PARP14: variants seen among roughly 807,000 people sequenced by gnomAD.
The protein encoded by PARP14 is protein mono-ADP-ribosyltransferase PARP14.
PARP14 carries 59 observed loss-of-function variants against 154.2 expected under a neutral mutation model. The observed-to-expected ratio is 0.38, with a 90% CI of 0.31 to 0.48. The LOEUF is 0.48. PARP14 is among the 20% of genes least tolerant of loss of function. PARP14 has a pLI of 0.98. For missense variants in PARP14, 1,734 were observed against 2,131.6 expected, an observed-to-expected ratio of 0.81 and a Z score of 3.67; for synonymous variants, 720 against 780.5, an observed-to-expected ratio of 0.92 and a Z score of 1.29.
At chr3:122,725,740 AATCTTTT>A (rs1023771033) in intron 15 of PARP14, among the ~76,000 whole-genome samples, 1 of 152,146 alleles carries the variant, frequency 6.6e-6, no homozygotes, top group African/African-American at 2.4e-5. Context: ...CCAGCCTGAC[AATCTTTT>A]ATCTTTTAAC....
chr3:122,703,676 A>G, intron 6 of PARP14, 66 bp from the exon 7 acceptor site: 1 of 936,662 alleles, frequency 1.1e-6, no homozygotes, highest in South Asian at 1.7e-5. Context: ...AGTGCCTCAA[A>G]TATAGTAATC....
At chr3:122,714,006 T>G in intron 11 of PARP14, 72 bp downstream of exon 11, 1 of 1,162,700 alleles carries the variant, frequency 8.6e-7, no homozygotes, top group Non-Finnish European at 1.3e-6. Flanking sequence ...GAGAAAAGTC[T>G]TAGGGTTGGG....
chr3:122,700,628 C>G lies in PARP14; in HGVS notation c.2074C>G (p.Leu692Val). Residue 692 changes from leucine to valine, a missense_variant, in exon 6 of 17, where the codon CTA becomes GTA. Leu to Val is a conservative substitution (Grantham distance 32). Coordinates refer to ENST00000474629, the MANE Select transcript of PARP14 (RefSeq NM_017554.3). ...TGACTATTTAAAGACAGAAAAGAAG[C>G]TATTCTGGCCAAAGATAAAGAAGGT... The part of the protein sequence containing the change: ...VIDYLKTEKK[L>V]FWPKIKKVNV... 6.2e-7 allele frequency: 1 copy of G among 1,603,820 alleles called. No homozygotes were observed. Among genetic ancestry groups the G allele is most frequent in the Non-Finnish European group, 8.5e-7 (1 of 1,174,724 alleles).
At chr3:122,724,751 A>G (rs1316788625) in intron 15 of PARP14, among the ~76,000 whole-genome samples, 2 of 151,886 alleles carry the variant, frequency 1.3e-5, no homozygotes, top group East Asian at 3.9e-4. Context: ...CAGCAGATAA[A>G]CACGTGAATA....
intron 5 of PARP14, among the ~76,000 whole-genome samples, chr3:122,696,741 T>G (rs374609217): frequency 5.3e-5 from 8 of 152,234 alleles, no homozygotes; most frequent in East Asian, 1.9e-4. Flanking sequence ...TAATGTTAAG[T>G]ACTATTTAAT....
Position 122,682,328 on chromosome 3 carries a change from C to A in PARP14, c.187+1258C>A, listed in dbSNP as rs967793969. On this transcript the variant is annotated intron_variant, in intron 1 of 16. Coordinates refer to ENST00000474629, the MANE Select transcript of PARP14 (RefSeq NM_017554.3). ...TTCTTTCTCCTTTAGATTCCATTATCCTTAGAAGTAGGTCTGACCTGCATC... is the reference window on the plus strand; with the variant it reads ...TTCTTTCTCCTTTAGATTCCATTATACTTAGAAGTAGGTCTGACCTGCATC... Among the ~76,000 whole-genome samples the A allele has an allele frequency of 2.0e-5, 3 of 152,072 alleles. No homozygotes were observed. The South Asian group carries it at 6.2e-4, about 32-fold the overall frequency.
intron 4 of PARP14, 92 bp downstream of exon 4, chr3:122,692,635 ACT>A: frequency 9.0e-7 from 1 of 1,114,502 alleles, no homozygotes; most frequent in Non-Finnish European, 1.3e-6. Flanking sequence ...TGAAAGTTTG[ACT>A]CTTTCTAGTA....
At chr3:122,692,195 A>G in intron 3 of PARP14, 106 bp from the exon 4 acceptor site, 1 of 859,544 alleles carries the variant, frequency 1.2e-6, no homozygotes, top group Non-Finnish European at 1.7e-6. Context: ...TGAGTTAGCC[A>G]AGAGATTGGC....
Position 122,700,916 on chromosome 3 carries a change from G to A in PARP14, c.2362G>A (p.Ala788Thr), listed in dbSNP as rs373934042. The A allele has an allele frequency of 4.3e-6, 7 of 1,613,886 alleles. No individual in the cohort carries two copies. Among genetic ancestry groups the A allele is most frequent in the East Asian group, 4.5e-5 (2 of 44,904 alleles). ...NEVMKEGGSP[A>T]GQKCFSRTVL... ...AGTAATGAAGGAGGGAGGCAGCCCC[G>A]CTGGGCAGAAGTGCTTCTCTCGGAC... is the stretch of plus-strand genomic sequence containing the variant. The change falls in exon 6 of 17, where the codon GCT becomes ACT. Residue 788 changes from alanine to threonine, a missense_variant. Physicochemically the swap from Ala to Thr is moderately conservative, Grantham distance 58. Transcript: ENST00000474629.
At chr3:122,697,504 C>G (rs1332585949) in intron 5 of PARP14, among the ~76,000 whole-genome samples, 2 of 152,200 alleles carry the variant, frequency 1.3e-5, no homozygotes, top group Non-Finnish European at 2.9e-5. Flanking sequence ...TCCAAATCTC[C>G]TGTTCACCTA....
chr3:122,692,220 G>A, intron 3 of PARP14, 81 bp from the exon 4 acceptor site: 1 of 1,220,536 alleles, frequency 8.2e-7, no homozygotes, highest in Non-Finnish European at 1.2e-6. Flanking sequence ...AGAGAGGGCA[G>A]TGCCTTGTGA....
chr3:122,728,581 T>C lies in PARP14; in HGVS notation c.5390T>C (p.Ile1797Thr). 3 of 1,610,508 alleles carry C rather than the reference T, an allele frequency of 1.9e-6. No individual in the cohort carries two copies. Among genetic ancestry groups the C allele is most frequent in the Non-Finnish European group, 2.5e-6 (3 of 1,177,030 alleles). ...YDYQAYPEYLITFRK is the reference protein window; with the variant it reads ...YDYQAYPEYLTTFRK ...TACCAAGCATACCCAGAGTACCTTA[T>C]TACGTTTAGAAAATAACACTTTGGT... The change falls in exon 17 of 17, where the codon ATT (isoleucine) becomes ACT (threonine). Residue 1797 changes from isoleucine (I) to threonine (T), a missense_variant. This residue lies in a region of PARP14 where 88 missense variants were observed against 155.6 expected (regional missense o/e 0.57). Transcript: ENST00000474629.
Position 122,720,537 on chromosome 3 carries a change from T to C in PARP14, c.4941+149T>C, listed in dbSNP as rs141701096. 19 of 727,830 alleles carry C rather than the reference T, an allele frequency of 2.6e-5. No homozygotes were observed. In the East Asian group the frequency reaches 4.9e-4, roughly 19 times the overall value. The allele number at this position is 727,830 out of a possible 1,614,324, so 45.1% of individuals were successfully genotyped here. Reference sequence around the variant, plus strand: ...GGTAATTAGTAGTTCTAGATTCTACTCATGTGACCATAATTACTGAGGCAT... The same window carrying C: ...GGTAATTAGTAGTTCTAGATTCTACCCATGTGACCATAATTACTGAGGCAT... On this transcript the variant is annotated intron_variant, in intron 15 of 16. Transcript: ENST00000474629.
rs1477551278 is a variant in PARP14, at chr3:122,700,963, G to A, written c.2409G>A (p.Val803=). 4 of 1,614,064 alleles carry A rather than the reference G, an allele frequency of 2.5e-6. No individual in the cohort carries two copies. The Admixed American group carries it at 6.7e-5, about 27-fold the overall frequency. ...FSRTVLAPGV[V]LIVQQGDLAR... is the part of the protein sequence containing the mutation. ...GGACAGTCTTGGCCCCTGGCGTTGTGCTGATTGTGCAGCAGGGTGACTTGG... is the reference window on the plus strand; with the variant it reads ...GGACAGTCTTGGCCCCTGGCGTTGTACTGATTGTGCAGCAGGGTGACTTGG... Residue 803 remains valine, a synonymous_variant, in exon 6 of 17, where the codon GTG becomes GTA. Transcript: ENST00000474629.
At chr3:122,702,578 G>GATT (rs556542344) in intron 6 of PARP14, among the ~76,000 whole-genome samples, 25 of 152,226 alleles carry the variant, frequency 1.6e-4, no homozygotes, top group Admixed American at 1.2e-3. Flanking sequence ...CAGATTCTAG[G>GATT]ATTATTATTA....
chr3:122,683,944 C>T (rs1037834175), intron 1 of PARP14, among the ~76,000 whole-genome samples: 28 of 152,190 alleles, frequency 1.8e-4, no homozygotes, highest in African/African-American at 6.8e-4. Context: ...CCTCAATCCC[C>T]ACCTTGGTTT....
chr3:122,710,414 A>T (rs1294180444), intron 9 of PARP14, among the ~76,000 whole-genome samples: 2 of 152,174 alleles, frequency 1.3e-5, no homozygotes, highest in Non-Finnish European at 2.9e-5. Context: ...TCATTGGTCT[A>T]TGTGCCTATT....
chr3:122,698,129 G>C (rs1317328742), intron 5 of PARP14, among the ~76,000 whole-genome samples: 1 of 152,166 alleles, frequency 6.6e-6, no homozygotes, highest in East Asian at 1.9e-4. Flanking sequence ...CTGCCACAGA[G>C]CCATGTTGAA....
chr3:122,711,317 A>T (rs1939314097), intron 9 of PARP14, among the ~76,000 whole-genome samples: 1 of 152,222 alleles, frequency 6.6e-6, no homozygotes, highest in African/African-American at 2.4e-5. Context: ...ATTTTATCAG[A>T]TGCTTTTTCT....
Sources: allele counts gnomAD v4.1 joint callset (sites outside exome capture counted in the v4.1 genomes callset), GRCh38; gene constraint gnomAD v4.1.1; regional missense constraint gnomAD v4.1.1; transcripts MANE v1.5; gene names NCBI Gene and HGNC (gene_info 2026-07-23, HGNC 2026-07-21).